MGAM2: variants seen among roughly 807,000 people sequenced by gnomAD.
The protein encoded by MGAM2 is probable maltase-glucoamylase 2.
In MGAM2, 98 loss-of-function variants were observed where a neutral mutation model predicts 96.1. The observed-to-expected ratio is 1.02, with a 90% CI of 0.87 to 1.21. The LOEUF is 1.21. Ranked by LOEUF, MGAM2 falls within the 50% of genes most tolerant of loss-of-function variation. The pLI, the probability that MGAM2 is intolerant of heterozygous loss-of-function variation, is 0.00. For synonymous variants in MGAM2, 749 were observed against 414.8 expected (o/e 1.81, Z -9.79); for missense variants, 2,055 against 1,182.4 (o/e 1.74, Z -10.82).
In MGAM2 at chr7:142,218,466, G is replaced by A. The variant is rs1290521640; in HGVS notation, c.5293G>A (p.Val1765Ile). The A allele has an allele frequency of 2.8e-6, 2 of 701,992 alleles. No homozygotes were observed. Among genetic ancestry groups the A allele is most frequent in the Non-Finnish European group, 5.2e-6 (2 of 384,698 alleles). 43.5% of individuals were successfully genotyped at this position (701,992 alleles called of 1,614,324 possible). The change falls in exon 47 of 48, where the codon GTC (valine) becomes ATC (isoleucine). Residue 1765 changes from valine to isoleucine, a missense_variant. Physicochemically the swap from Val to Ile is conservative, Grantham distance 29 (BLOSUM62 3). Transcript: ENST00000477922. ...IWGVNTYVTQ[V>I]SFTYDNRQFM... ...GGGTGTGAATACCTATGTGACACAAGTCAGTTTCACCTATGACAACCGGCA... is the reference window on the plus strand; with the variant it reads ...GGGTGTGAATACCTATGTGACACAAATCAGTTTCACCTATGACAACCGGCA...
At chr7:142,153,092 T>C (rs191457475) in intron 15 of MGAM2, among the ~76,000 whole-genome samples, 1 of 151,190 alleles carries the variant, frequency 6.6e-6, no homozygotes, top group Non-Finnish European at 1.5e-5. Flanking sequence ...GCCTCTTGGG[T>C]TCAAACGATT....
At chr7:142,136,075 A>G (rs1795052369) in intron 7 of MGAM2, among the ~76,000 whole-genome samples, 1 of 152,190 alleles carries the variant, frequency 6.6e-6, no homozygotes, top group Non-Finnish European at 1.5e-5. Context: ...TTAGACAAGC[A>G]TCGTCATAAT....
chr7:142,175,017 C>T (rs1026093951), intron 31 of MGAM2, among the ~76,000 whole-genome samples: 7 of 152,128 alleles, frequency 4.6e-5, no homozygotes, highest in South Asian at 2.1e-4. Context: ...CCGTGCCTAG[C>T]CCGTTTATTT....
rs538471208 is a variant in MGAM2 at position 142,117,111 on chromosome 7, G to T, written c.106+132G>T. 91 of 630,098 alleles carry T rather than the reference G, an allele frequency of 1.4e-4. No homozygotes were observed. In the African/African-American group the frequency reaches 1.5e-3, roughly 11 times the overall value. 39.0% of individuals were successfully genotyped at this position (630,098 alleles called of 1,614,324 possible). On this transcript the variant is annotated intron_variant, in intron 2 of 47. Transcript: ENST00000477922. ...TATTCAAAATTCACTTCCATGATTAGTTTAAGTTCAACTCCAAAAGATAAG... is the reference window on the plus strand; with the variant it reads ...TATTCAAAATTCACTTCCATGATTATTTTAAGTTCAACTCCAAAAGATAAG...
chr7:142,179,745 G>T (rs566495473), intron 32 of MGAM2, among the ~76,000 whole-genome samples: 1 of 152,256 alleles, frequency 6.6e-6, no homozygotes, highest in South Asian at 2.1e-4. Context: ...TTTTTGATGT[G>T]CTCCTGGGTT....
Position 142,154,109 on chromosome 7 carries a change from G to C in MGAM2, c.1726G>C (p.Gly576Arg). The C allele has an allele frequency of 1.4e-6, 1 of 693,324 alleles. No homozygotes were observed. The highest frequency in any genetic ancestry group is 2.6e-6 in the Non-Finnish European group (1 of 378,056). The allele number at this position is 693,324 out of a possible 1,614,324, so 42.9% of individuals were successfully genotyped here. A position where few individuals can be genotyped will look rare whatever the true frequency, so the allele number is the denominator to read the frequency against. Residue 576 changes from glycine to arginine, a missense_variant, in exon 16 of 48, where the codon GGG becomes CGG. Physicochemically the swap from Gly to Arg is moderately radical, Grantham distance 125. Transcript: ENST00000477922. ...TGGCAAATTTGCTGCTCATTGGCTG[G>C]GGGACAATGCGGCCACATGGGATGA... ...GSGKFAAHWL[G>R]DNAATWDDLR...
chr7:142,154,990 C>T (rs1056691535), intron 17 of MGAM2, 145 bp downstream of exon 17: 20 of 610,622 alleles, frequency 3.3e-5, no homozygotes, highest in Non-Finnish European at 4.7e-5. Context: ...CCTTAAAAAG[C>T]AGGGTATCAA....
intron 17 of MGAM2, 127 bp from the exon 18 acceptor site, chr7:142,157,810 T>A: frequency 4.8e-6 from 3 of 623,100 alleles, no homozygotes; most frequent in Non-Finnish European, 8.6e-6. Flanking sequence ...TCTTTTCAGT[T>A]CTAGAAATGC....
At chr7:142,156,588 A>G (rs73158446) in intron 17 of MGAM2, among the ~76,000 whole-genome samples, 4,976 of 152,348 alleles carry the variant, frequency 0.033, 104 homozygotes, top group Middle Eastern at 0.071. Context: ...CATGGCCACC[A>G]TAGTGGACAG....
chr7:142,190,267 C>CTTTTTTTTTTTTT (rs58228482), intron 37 of MGAM2, among the ~76,000 whole-genome samples: 1 of 104,246 alleles, frequency 9.6e-6, no homozygotes, highest in African/African-American at 3.9e-5. Context: ...TACCATTTTA[C>CTTTTTTTTTTTTT]TTTTTTTTTT....
At chr7:142,125,787 T>C (rs1794718783) in intron 3 of MGAM2, among the ~76,000 whole-genome samples, 1 of 152,178 alleles carries the variant, frequency 6.6e-6, no homozygotes, top group Non-Finnish European at 1.5e-5. Flanking sequence ...CTTTTTCAAA[T>C]GAGTAGTGTT....
chr7:142,148,965 G>A lies in MGAM2; in HGVS notation c.1634+1392G>A, dbSNP rs1795471240. 2.0e-5 allele frequency among the ~76,000 whole-genome samples: 3 copies of A among 152,090 alleles called. No individual in the cohort carries two copies. Among genetic ancestry groups the A allele is most frequent in the Admixed American group, 6.6e-5 (1 of 15,264 alleles). On this transcript the variant is annotated intron_variant, in intron 15 of 47. Coordinates refer to ENST00000477922, the MANE Select transcript of MGAM2 (RefSeq NM_001293626.2). This position sits in a 1 kb window ranked among gnomAD's most constrained non-coding sequence, Gnocchi z 4.2. ...CTGCTGGCTTGGTGCGGTGGCTTAC[G>A]TCTGTAATCCAAGCACTTTGGGAGG...
At chr7:142,186,752 G>C (rs2129096256) in intron 35 of MGAM2, among the ~76,000 whole-genome samples, 1 of 152,274 alleles carries the variant, frequency 6.6e-6, no homozygotes, top group Non-Finnish European at 1.5e-5. Context: ...TTCAGCTCTG[G>C]GTCAGACTGG....
At chr7:142,199,594 T>C (rs1797154575) in intron 44 of MGAM2, among the ~76,000 whole-genome samples, 1 of 152,218 alleles carries the variant, frequency 6.6e-6, no homozygotes, top group East Asian at 1.9e-4. Flanking sequence ...GGATTCTCTT[T>C]TGAGGGATTT....
chr7:142,131,495 T>C (rs760524138), intron 4 of MGAM2, 23 bp from the exon 5 acceptor site: 23 of 696,758 alleles, frequency 3.3e-5, no homozygotes, highest in Admixed American at 6.3e-5. Context: ...CTTTTCTCTC[T>C]CTCCATATCT....
chr7:142,175,556 G>A (rs1796347032), intron 31 of MGAM2, 96 bp from the exon 32 acceptor site: 4 of 637,842 alleles, frequency 6.3e-6, no homozygotes, highest in Non-Finnish European at 8.4e-6. Flanking sequence ...GAATGGGGCA[G>A]GCAGGCAGCA....
chr7:142,147,389 G>T, intron 14 of MGAM2, 67 bp from the exon 15 acceptor site: 2 of 650,902 alleles, frequency 3.1e-6, no homozygotes, highest in East Asian at 5.5e-5. Flanking sequence ...GAAGAAAATA[G>T]TTGGGCCGCT....
intron 3 of MGAM2, among the ~76,000 whole-genome samples, chr7:142,128,395 G>A (rs1238001632): frequency 2.0e-5 from 3 of 152,218 alleles, no homozygotes; most frequent in Non-Finnish European, 2.9e-5. Context: ...CAAGCCAGCT[G>A]CAGAAATTTA....
At chr7:142,156,175 A>G (rs1795731296) in intron 17 of MGAM2, among the ~76,000 whole-genome samples, 1 of 152,010 alleles carries the variant, frequency 6.6e-6, no homozygotes, top group Non-Finnish European at 1.5e-5. Flanking sequence ...AACAAAGTAC[A>G]AAGAAACAGG....
Sources: allele counts gnomAD v4.1 joint callset (sites outside exome capture counted in the v4.1 genomes callset), GRCh38; gene constraint gnomAD v4.1.1; non-coding constraint Gnocchi (gnomAD v3.1); transcripts MANE v1.5; gene names NCBI Gene and HGNC (gene_info 2026-07-23, HGNC 2026-07-21).